The following TAPBPL variants were observed in gnomAD, a reference collection of about 807,000 sequenced individuals.
TAPBPL encodes TAP binding protein like.
In TAPBPL, 32 loss-of-function variants were observed where a neutral mutation model predicts 44.8. The ratio of observed to expected loss-of-function variants is 0.71; its 90% CI spans 0.54 to 0.96. The LOEUF (loss-of-function observed/expected upper bound fraction) is 0.96. Among genes scored for constraint, TAPBPL ranks in the 40% least tolerant of loss-of-function variants. The pLI is 0.00. For missense variants in TAPBPL, 520 were observed against 586.6 expected (o/e 0.89, Z 1.17); for synonymous variants, 230 against 240.7 (o/e 0.96, Z 0.41).
Position 6,460,796 on chromosome 12 carries a change from G to A in TAPBPL, c.1208-59G>A. The A allele has an allele frequency of 1.9e-6, 3 of 1,564,262 alleles. No individual in the cohort carries two copies. The South Asian group carries it at 3.3e-5, about 17-fold the overall frequency. ...TCCCTGGGGTGGACACTGCAGGTGA[G>A]GGCTCAGCTCATGATTCCTGCGCAC... On this transcript the variant is annotated intron_variant, in intron 5 of 6. Transcript: ENST00000266556.
downstream of TAPBPL, chr12:6,464,629 C>T (rs1324337661): frequency 2.7e-6 from 4 of 1,456,230 alleles, no homozygotes; most frequent in Non-Finnish European, 3.6e-6. Flanking sequence ...CCAACCCAAG[C>T]CAGTGACACA....
chr12:6,467,411 A>G (rs910798167), downstream of TAPBPL, among the ~76,000 whole-genome samples: 1 of 152,208 alleles, frequency 6.6e-6, no homozygotes, highest in African/African-American at 2.4e-5. Context: ...TCAGATGGAG[A>G]TGAGGAACTT....
downstream of TAPBPL, chr12:6,463,068 A>G (rs1949922491): frequency 3.3e-6 from 5 of 1,536,846 alleles, no homozygotes; most frequent in South Asian, 2.4e-5. This position sits in a 1 kb window ranked among gnomAD's most constrained non-coding sequence, Gnocchi z 4.0. Context: ...CTTATCCCAC[A>G]TTAATAGCCC....
rs1416416515 is a variant in TAPBPL, at chr12:6,453,731, A to G, written c.565+15A>G. 1.3e-6 allele frequency: 2 copies of G among 1,573,430 alleles called. No individual in the cohort carries two copies. The highest frequency in any genetic ancestry group is 4.5e-5 in the East Asian group (2 of 44,466). On this transcript the variant is annotated intron_variant, in intron 3 of 6. Coordinates refer to ENST00000266556, the MANE Select transcript of TAPBPL (RefSeq NM_018009.5). This position sits in a 1 kb window ranked among gnomAD's most constrained non-coding sequence, Gnocchi z 4.8. Reference sequence around the variant, plus strand: ...GCGAACTGCAGGTAAGAAAATGAAAAGCAAGGCCAGGTGTGGTGGCTCACG... The same window carrying G: ...GCGAACTGCAGGTAAGAAAATGAAAGGCAAGGCCAGGTGTGGTGGCTCACG...
chr12:6,466,950 C>T (rs541114490), downstream of TAPBPL: 1 of 154,056 alleles, frequency 6.5e-6, no homozygotes, highest in Admixed American at 6.5e-5. Flanking sequence ...CTTTCCGGTG[C>T]TATTCTGGTG....
At chr12:6,457,267 A>G in intron 3 of TAPBPL, 139 bp from the exon 4 acceptor site, 1 of 746,746 alleles carries the variant, frequency 1.3e-6, no homozygotes, top group Non-Finnish European at 2.1e-6. Flanking sequence ...TTGTGGTTCC[A>G]TGTGATGGAA....
chr12:6,453,781 A>T lies in TAPBPL; in HGVS notation c.565+65A>T. ...GCCTGTAATTCCAGAATTTTGGGAT[A>T]CCGAGGTCGGTGGATCACCTGAGGT... On this transcript the variant is annotated intron_variant, in intron 3 of 6. Coordinates refer to ENST00000266556, the MANE Select transcript of TAPBPL (RefSeq NM_018009.5). This position sits in a 1 kb window ranked among gnomAD's most constrained non-coding sequence, Gnocchi z 4.8. 1 of 1,478,034 alleles carries T rather than the reference A, an allele frequency of 6.8e-7. No individual in the cohort carries two copies. Among genetic ancestry groups the T allele is most frequent in the South Asian group, 1.4e-5 (1 of 72,542 alleles). The allele number at this position is 1,478,034 out of a possible 1,614,324, so 91.6% of individuals were successfully genotyped here.
downstream of TAPBPL, chr12:6,466,090 G>A (rs564951161): frequency 2.4e-5 from 39 of 1,611,454 alleles, no homozygotes; most frequent in Middle Eastern, 3.3e-4. Flanking sequence ...CTGGCCCTGT[G>A]CAACTCTAAA....
At chr12:6,454,296 C>T (rs1332246679) in intron 3 of TAPBPL, among the ~76,000 whole-genome samples, 1 of 152,100 alleles carries the variant, frequency 6.6e-6, no homozygotes, top group Non-Finnish European at 1.5e-5. Context: ...TGGTGAAACC[C>T]CCTCTCTACT....
downstream of TAPBPL, chr12:6,465,807 C>A: frequency 6.2e-7 from 1 of 1,610,702 alleles, no homozygotes; most frequent in Non-Finnish European, 8.5e-7. Flanking sequence ...AGTGGAAGCC[C>A]AGGAAAAGAT....
downstream of TAPBPL, chr12:6,470,391 G>T: frequency 2.3e-6 from 3 of 1,323,600 alleles, no homozygotes; most frequent in Non-Finnish European, 3.2e-6. Flanking sequence ...GGGGTGGCCC[G>T]GTCCGGAAGC....
intron 6 of TAPBPL, chr12:6,461,247 G>A (rs1949852465): frequency 4.1e-6 from 5 of 1,211,394 alleles, no homozygotes; most frequent in Admixed American, 3.6e-5. Flanking sequence ...ACCAGCTCAT[G>A]GGGCACTGGG....
intron 6 of TAPBPL, chr12:6,461,290 C>T (rs1949853771): frequency 8.8e-7 from 1 of 1,134,210 alleles, no homozygotes; most frequent in South Asian, 2.1e-5. Flanking sequence ...CCTTCCTTCA[C>T]TGTGCACCCT....
At chr12:6,462,624 T>G (rs985217638), downstream of TAPBPL, 1 of 637,246 alleles carries the variant, frequency 1.6e-6, no homozygotes, top group Non-Finnish European at 2.7e-6. Context: ...CTGGTGAGCC[T>G]CAGAGGGACA....
rs1565514182 is a variant in TAPBPL at position 6,453,237 on chromosome 12, A to G, written c.235A>G (p.Thr79Ala). 5 of 1,613,858 alleles carry G rather than the reference A, an allele frequency of 3.1e-6. No homozygotes were observed. In the African/African-American group the frequency reaches 5.3e-5, roughly 17 times the overall value. ...VLDDGSLEDF[T>A]DFQGGTLAQD... is the part of the protein sequence containing the mutation. ...GGACGATGGCTCCCTGGAGGACTTCACCGATTTCCAAGGGGGCACACTGGC... is the reference window on the plus strand; with the variant it reads ...GGACGATGGCTCCCTGGAGGACTTCGCCGATTTCCAAGGGGGCACACTGGC... Residue 79 changes from threonine to alanine, a missense_variant, in exon 2 of 7, where the codon ACC (threonine) becomes GCC (alanine). Coordinates refer to ENST00000266556, the MANE Select transcript of TAPBPL (RefSeq NM_018009.5). The surrounding 1 kb of genome is among the most constrained non-coding windows in gnomAD (Gnocchi z 4.8).
downstream of TAPBPL, chr12:6,465,721 C>G: frequency 7.4e-7 from 1 of 1,350,968 alleles, no homozygotes; most frequent in Non-Finnish European, 1.0e-6. Context: ...TCCTCCCAAG[C>G]GTTATGCTGG....
intron 6 of TAPBPL, among the ~76,000 whole-genome samples, 192 bp from the exon 7 acceptor site, chr12:6,461,842 G>A (rs1396038176): frequency 6.6e-6 from 1 of 152,240 alleles, no homozygotes; most frequent in Non-Finnish European, 1.5e-5. Flanking sequence ...TGTACGTGAG[G>A]ATGATGGGGA....
downstream of TAPBPL, chr12:6,470,477 T>C: frequency 1.9e-6 from 3 of 1,613,130 alleles, no homozygotes; most frequent in Non-Finnish European, 2.5e-6. Flanking sequence ...ATCGGGAGCT[T>C]GGGGCGAGAG....
In TAPBPL at chr12:6,452,310, C is replaced by T. The variant is rs1175759084; in HGVS notation, c.62C>T (p.Thr21Ile). 6.4e-7 allele frequency: 1 copy of T among 1,573,962 alleles called. No homozygotes were observed. Among genetic ancestry groups the T allele is most frequent in the Non-Finnish European group, 8.6e-7 (1 of 1,160,120 alleles). Residue 21 changes from threonine (T) to isoleucine (I), a missense_variant and splice_region_variant, in exon 1 of 7, where the codon ACC becomes ATC. Coordinates refer to ENST00000266556, the MANE Select transcript of TAPBPL (RefSeq NM_018009.5). Reference sequence around the variant, plus strand: ...CTGGCTCTATCTGGAGCAGCAGAAACCAGTGAGTCTGGGAGTCGGGGAGAG... The same window carrying T: ...CTGGCTCTATCTGGAGCAGCAGAAATCAGTGAGTCTGGGAGTCGGGGAGAG... Reference protein sequence around the residue: ...LCLALSGAAETKPHPAEGQWR... With the variant: ...LCLALSGAAEIKPHPAEGQWR...
Sources: gnomAD v4.1 joint callset for allele counts (sites outside exome capture counted in the v4.1 genomes callset) on GRCh38, gnomAD v4.1.1 for gene constraint, Gnocchi (gnomAD v3.1) non-coding constraint, MANE v1.5 for transcripts, NCBI Gene and HGNC (gene_info 2026-07-23, HGNC 2026-07-21) for gene names.